The following TAFA4 variants were observed in gnomAD, a reference collection of about 807,000 sequenced individuals.
The protein encoded by TAFA4 is chemokine-like protein TAFA-4.
A neutral mutation model predicts 21.1 loss-of-function variants in TAFA4; 20 were observed. The observed-to-expected ratio is 0.95, with a 90% confidence interval of 0.67 to 1.38. The LOEUF (loss-of-function observed/expected upper bound fraction) is 1.38, where lower values mean the gene tolerates loss of function less well. Among genes scored for constraint, TAFA4 ranks in the 40% most tolerant of loss-of-function variants. TAFA4 has a pLI of 0.00. For missense variants in TAFA4, 211 were observed against 180.9 expected (o/e 1.17, Z -0.95); for synonymous variants, 71 against 67.4 (o/e 1.05, Z -0.26).
At chr3:68,783,514 A>G (rs771804119) in intron 3 of TAFA4, among the ~76,000 whole-genome samples, 1 of 152,098 alleles carries the variant, frequency 6.6e-6, no homozygotes, top group Admixed American at 6.6e-5. Context: ...ATATTTGTAA[A>G]CACTGAGGAC....
At chr3:68,838,923 C>A (rs564701336) in intron 3 of TAFA4, among the ~76,000 whole-genome samples, 52 of 152,104 alleles carry the variant, frequency 3.4e-4, no homozygotes, top group African/African-American at 1.2e-3. Flanking sequence ...ATGGTGAAAC[C>A]CCGTCTCCAC....
At chr3:68,915,535 T>C (rs2089996087) in intron 1 of TAFA4, among the ~76,000 whole-genome samples, 1 of 152,212 alleles carries the variant, frequency 6.6e-6, no homozygotes, top group Admixed American at 6.5e-5. Flanking sequence ...GGGCTGCTAA[T>C]TAGGTGATAA....
intron 4 of TAFA4, among the ~76,000 whole-genome samples, chr3:68,748,278 G>GTCATTCATGTGTCTGCACTGAGAAAA (rs1702496719): frequency 6.6e-6 from 1 of 152,192 alleles, no homozygotes; most frequent in African/African-American, 2.4e-5. Context: ...AATCCTCTCT[G>GTCATTCATGTGTCTGCACTGAGAAAA]TCATTCATGT....
chr3:68,907,146 C>T (rs956455552), intron 1 of TAFA4, among the ~76,000 whole-genome samples: 1 of 150,248 alleles, frequency 6.7e-6, no homozygotes, highest in Non-Finnish European at 1.5e-5. Context: ...GTTTCAATAA[C>T]GTGATTTTAG....
At chr3:68,816,695 G>A (rs752804209) in intron 3 of TAFA4, among the ~76,000 whole-genome samples, 11 of 152,022 alleles carry the variant, frequency 7.2e-5, no homozygotes, top group South Asian at 6.2e-4. Context: ...TTTTACAGGC[G>A]TATCTCTGAG....
rs1457042978 is a variant in TAFA4 at position 68,731,920 on chromosome 3, C to G, written c.*1222G>C. On this transcript the variant is annotated 3_prime_UTR_variant, in exon 6 of 6. Transcript: ENST00000295569. ...TAAACAACATTAAAGTATTTATTTT[C>G]CCCCTATAAATGTGAAAGGACAGGG... 4 of 151,950 alleles carry G rather than the reference C, an allele frequency of 2.6e-5. No individual in the cohort carries two copies. Among genetic ancestry groups the G allele is most frequent in the African/African-American group, 9.7e-5 (4 of 41,368 alleles). 9.4% of individuals were successfully genotyped at this position (151,950 alleles called of 1,614,324 possible).
At chr3:68,811,294 T>A (rs1033618886) in intron 3 of TAFA4, among the ~76,000 whole-genome samples, 3 of 152,104 alleles carry the variant, frequency 2.0e-5, no homozygotes, top group Non-Finnish European at 1.5e-5. Flanking sequence ...ACGCAGCTCC[T>A]CACCAGCAAC....
intron 3 of TAFA4, among the ~76,000 whole-genome samples, chr3:68,781,359 C>T (rs1046378536): frequency 3.3e-5 from 5 of 150,524 alleles, no homozygotes; most frequent in Admixed American, 6.6e-5. Flanking sequence ...CTTCAAAAGG[C>T]CAGTTAAATT....
rs756030382 is a variant in TAFA4 at position 68,739,078 on chromosome 3, C to T, written c.408G>A (p.Thr136=). ...SCSSGNKVKT[T]KVTR is the part of the protein sequence containing the mutation. ...GTTGCATTTTGTCTATACTTGCCTT[C>T]GTAGTTTTGACTTTATTGCCACTGC... Residue 136 remains threonine (T), a synonymous_variant, in exon 5 of 6, where the codon ACG becomes ACA. Transcript: ENST00000295569. The T allele has an allele frequency of 3.5e-5, 56 of 1,613,442 alleles. No individual in the cohort carries two copies. Among genetic ancestry groups the T allele is most frequent in the Middle Eastern group, 1.6e-4 (1 of 6,076 alleles).
chr3:68,908,819 G>C lies in TAFA4; in HGVS notation c.-123+23421C>G, dbSNP rs182758449. Among the ~76,000 whole-genome samples the C allele has an allele frequency of 7.2e-5, 11 of 152,290 alleles. No homozygotes were observed. In the East Asian group the frequency reaches 2.1e-3, roughly 29 times the overall value. ...GTTCAGTTATACTCCGAAGTAGCTAGACCAGAATCAACAATATCCTATTTT... is the reference window on the plus strand; with the variant it reads ...GTTCAGTTATACTCCGAAGTAGCTACACCAGAATCAACAATATCCTATTTT... On this transcript the variant is annotated intron_variant, in intron 1 of 5. Transcript: ENST00000295569.
At chr3:68,913,043 C>G (rs2089974488) in intron 1 of TAFA4, among the ~76,000 whole-genome samples, 1 of 152,160 alleles carries the variant, frequency 6.6e-6, no homozygotes, top group East Asian at 1.9e-4. Context: ...CTTTGGGGTT[C>G]TTTAGGAAAT....
intron 3 of TAFA4, among the ~76,000 whole-genome samples, chr3:68,817,472 G>T (rs1458373871): frequency 1.3e-5 from 2 of 152,086 alleles, no homozygotes; most frequent in African/African-American, 2.4e-5. Flanking sequence ...CATAAATCAT[G>T]AATGTTCTTA....
chr3:68,910,197 T>C (rs2089947635), intron 1 of TAFA4, among the ~76,000 whole-genome samples: 1 of 152,242 alleles, frequency 6.6e-6, no homozygotes, highest in Admixed American at 6.5e-5. Context: ...TGCTGTATTC[T>C]ATTGGTTAGA....
At chr3:68,917,432 C>A (rs9883583) in intron 1 of TAFA4, among the ~76,000 whole-genome samples, 27,583 of 151,998 alleles carry the variant, frequency 0.18, 2,751 homozygotes, top group Middle Eastern at 0.3. Context: ...GACCTCCCCC[C>A]CTGTGTGTCA....
intron 3 of TAFA4, among the ~76,000 whole-genome samples, chr3:68,797,612 CAAAAAAAAAAAA>C (rs71112671): frequency 2.6e-5 from 2 of 75,948 alleles, no homozygotes; most frequent in Non-Finnish European, 4.9e-5. Context: ...GACTCCATCT[CAAAAAAAAAAAA>C]AAAAAAAAAG....
chr3:68,870,891 A>G (rs1394854513), intron 3 of TAFA4, among the ~76,000 whole-genome samples: 1 of 152,122 alleles, frequency 6.6e-6, no homozygotes, highest in African/African-American at 2.4e-5. Context: ...AGCTTCATCC[A>G]TGTCCCTGCA....
chr3:68,835,477 G>A (rs1704501806), intron 3 of TAFA4, among the ~76,000 whole-genome samples: 1 of 152,170 alleles, frequency 6.6e-6, no homozygotes. Context: ...TTTCTTCCTT[G>A]TTAGCTGGCT....
intron 3 of TAFA4, among the ~76,000 whole-genome samples, chr3:68,871,130 T>C (rs532480929): frequency 6.6e-5 from 10 of 152,242 alleles, no homozygotes; most frequent in Admixed American, 1.3e-4. Context: ...AGTTCAACTA[T>C]TGTGGAAGAC....
chr3:68,783,888 G>C (rs1186800070), intron 3 of TAFA4, among the ~76,000 whole-genome samples: 1 of 151,812 alleles, frequency 6.6e-6, no homozygotes, highest in Non-Finnish European at 1.5e-5. Context: ...GTTTTCCCAA[G>C]TTTATTTTTA....
Sources: gnomAD v4.1 joint callset for allele counts (sites outside exome capture counted in the v4.1 genomes callset) on GRCh38, gnomAD v4.1.1 for gene constraint, MANE v1.5 for transcripts, NCBI Gene and HGNC (gene_info 2026-07-23, HGNC 2026-07-21) for gene names.